DEPDC5: variants seen among roughly 807,000 people sequenced by gnomAD.
The protein encoded by DEPDC5 is DEP domain containing 5, GATOR1 subcomplex subunit.
A neutral mutation model predicts 217.3 loss-of-function variants in DEPDC5; 73 were observed. The observed-to-expected ratio is 0.34, with a 90% CI of 0.28 to 0.41. The LOEUF is 0.41. Ranked by LOEUF, DEPDC5 falls within the 10% of genes least tolerant of loss-of-function variation. DEPDC5 has a pLI of 1.00. For missense variants in DEPDC5, 1,675 were observed against 2,070.1 expected (o/e 0.81, Z 3.70); for synonymous variants, 733 against 756.7 (o/e 0.97, Z 0.51).
chr22:31,845,733 ATATAG>A (rs2091689421), intron 30 of DEPDC5, among the ~76,000 whole-genome samples: 1 of 151,964 alleles, frequency 6.6e-6, no homozygotes, highest in Admixed American at 6.6e-5. Context: ...TTTTTTAAAC[ATATAG>A]TATAATTGAC....
intron 37 of DEPDC5, among the ~76,000 whole-genome samples, chr22:31,877,436 CAAAAAAAAAAAA>C (rs71184527): frequency 7.1e-4 from 15 of 21,018 alleles, no homozygotes; most frequent in Non-Finnish European, 1.1e-3. Flanking sequence ...GACTCCATCT[CAAAAAAAAAAAA>C]AAAAAAAAAA....
chr22:31,809,066 C>T (rs2087925016), intron 18 of DEPDC5, among the ~76,000 whole-genome samples: 1 of 152,074 alleles, frequency 6.6e-6, no homozygotes, highest in Non-Finnish European at 1.5e-5. Flanking sequence ...CTGTGCCTGG[C>T]CTTTATTTAT....
chr22:31,839,158 A>T (rs1222935021), intron 27 of DEPDC5, among the ~76,000 whole-genome samples: 1 of 152,162 alleles, frequency 6.6e-6, no homozygotes, highest in Non-Finnish European at 1.5e-5. Context: ...ACGTTTCTAA[A>T]CCTATATTTA....
chr22:31,864,889 C>T (rs974859250), intron 33 of DEPDC5, among the ~76,000 whole-genome samples: 5 of 152,254 alleles, frequency 3.3e-5, no homozygotes, highest in African/African-American at 9.6e-5. Context: ...TGGGGTTTCA[C>T]CATGCTGGCC....
intron 28 of DEPDC5, among the ~76,000 whole-genome samples, chr22:31,843,423 T>A (rs1450208284): frequency 6.6e-6 from 1 of 152,176 alleles, no homozygotes; most frequent in Non-Finnish European, 1.5e-5. Flanking sequence ...TTAGCATGAT[T>A]CATGACAAGC....
chr22:31,808,667 C>T (rs1377791395), intron 18 of DEPDC5, among the ~76,000 whole-genome samples: 1 of 151,498 alleles, frequency 6.6e-6, no homozygotes, highest in East Asian at 2.0e-4. Flanking sequence ...AACTCCTGAC[C>T]TCAGGTGATC....
At chr22:31,853,833 A>C (rs1425220384) in intron 31 of DEPDC5, among the ~76,000 whole-genome samples, 1 of 152,066 alleles carries the variant, frequency 6.6e-6, no homozygotes, top group African/African-American at 2.4e-5. Context: ...GAGAGACCCC[A>C]CCAAAGCAGA....
chr22:31,889,366 G>C (rs553597749), intron 38 of DEPDC5, among the ~76,000 whole-genome samples: 1 of 152,282 alleles, frequency 6.6e-6, no homozygotes, highest in Admixed American at 6.5e-5. Context: ...GTAACCACTT[G>C]GTTGAACAGC....
chr22:31,855,819 T>C (rs1467550788), intron 31 of DEPDC5, among the ~76,000 whole-genome samples: 1 of 151,354 alleles, frequency 6.6e-6, no homozygotes, highest in Non-Finnish European at 1.5e-5. Flanking sequence ...TTTTTCAGAA[T>C]GTAAAAAAAA....
chr22:31,789,264 A>G (rs368973569), intron 10 of DEPDC5, among the ~76,000 whole-genome samples: 2 of 152,272 alleles, frequency 1.3e-5, no homozygotes, highest in East Asian at 3.8e-4. Flanking sequence ...AGCATAGATA[A>G]ATAAAATGTA....
chr22:31,893,900 T>G, intron 39 of DEPDC5, 149 bp downstream of exon 39: 1 of 935,740 alleles, frequency 1.1e-6, no homozygotes, highest in Non-Finnish European at 1.5e-6. Flanking sequence ...TTTAAAAAAT[T>G]TAAACATAGT....
chr22:31,900,322 C>T lies in DEPDC5; in HGVS notation c.4376-1420C>T, dbSNP rs563378148. On this transcript the variant is annotated intron_variant, in intron 40 of 42. Coordinates refer to ENST00000651528, the MANE Select transcript of DEPDC5 (RefSeq NM_001242896.3). ...TCAGCCTCCCAAAGTGCTGGGATTACAGGTGTGAGCCGCCGCACCTGGCCC... is the reference window on the plus strand; with the variant it reads ...TCAGCCTCCCAAAGTGCTGGGATTATAGGTGTGAGCCGCCGCACCTGGCCC... Among the ~76,000 whole-genome samples, 86 of 151,812 alleles carry T rather than the reference C, an allele frequency of 5.7e-4. 1 individual carries two copies. The highest frequency in any genetic ancestry group is 6.8e-3 in the Middle Eastern group (2 of 294).
At chr22:31,809,466 T>G in intron 18 of DEPDC5, 145 bp from the exon 19 acceptor site, 1 of 762,772 alleles carries the variant, frequency 1.3e-6, no homozygotes, top group Non-Finnish European at 2.2e-6. Flanking sequence ...TAAAGGACCG[T>G]GGTAGGTAGG....
chr22:31,843,104 C>T lies in DEPDC5; in HGVS notation c.2525C>T (p.Ser842Phe). 1.2e-6 allele frequency: 2 copies of T among 1,612,842 alleles called. No individual in the cohort carries two copies. The highest frequency in any genetic ancestry group is 1.3e-5 in the African/African-American group (1 of 74,968). ...ATTATTTTTCTGTTAGGCCTTGTGTCCCGAAACCGCCCTGAGGAGGAGGAC... is the reference window on the plus strand; with the variant it reads ...ATTATTTTTCTGTTAGGCCTTGTGTTCCGAAACCGCCCTGAGGAGGAGGAC... ...SSPLYSRGLV[S>F]RNRPEEEDQY... is the part of the protein sequence containing the mutation. The change falls in exon 28 of 43, where the codon TCC becomes TTC. Residue 842 changes from serine to phenylalanine, a missense_variant. Transcript: ENST00000651528.
intron 30 of DEPDC5, among the ~76,000 whole-genome samples, chr22:31,846,210 A>G (rs1299765262): frequency 6.6e-6 from 1 of 152,050 alleles, no homozygotes; most frequent in Non-Finnish European, 1.5e-5. Context: ...TCCAAACATC[A>G]CAGAAAAGAG....
chr22:31,794,361 CT>C (rs1301080557), intron 12 of DEPDC5, among the ~76,000 whole-genome samples: 1 of 151,984 alleles, frequency 6.6e-6, no homozygotes, highest in African/African-American at 2.4e-5. Context: ...GCAGTTTTAT[CT>C]GTATAATGAA....
At chr22:31,851,497 A>G (rs1206242698) in intron 31 of DEPDC5, among the ~76,000 whole-genome samples, 1 of 152,210 alleles carries the variant, frequency 6.6e-6, no homozygotes, top group African/African-American at 2.4e-5. Flanking sequence ...TCCTGGGCCT[A>G]CGTCCATCAG....
At chr22:31,808,487 T>A (rs1049357847) in intron 18 of DEPDC5, among the ~76,000 whole-genome samples, 9 of 151,382 alleles carry the variant, frequency 5.9e-5, no homozygotes, top group Admixed American at 4.0e-4. Flanking sequence ...CAGGCTGGAG[T>A]GCAATGGCAC....
chr22:31,772,668 C>G (rs1364597382), intron 7 of DEPDC5, among the ~76,000 whole-genome samples: 1 of 152,008 alleles, frequency 6.6e-6, no homozygotes, highest in Non-Finnish European at 1.5e-5. Context: ...AGGAGATAGG[C>G]GAGAATTGGC....
Sources: allele counts gnomAD v4.1 joint callset (sites outside exome capture counted in the v4.1 genomes callset), GRCh38; gene constraint gnomAD v4.1.1; transcripts MANE v1.5; gene names NCBI Gene and HGNC (gene_info 2026-07-23, HGNC 2026-07-21).